Variants in ZNF487 observed in about 807,000 individuals in gnomAD.
The protein encoded by ZNF487 is zinc finger protein 487.
In ZNF487, 4 loss-of-function variants were observed where a neutral mutation model predicts 3.0. The observed-to-expected ratio is 1.35, with a 90% CI of 0.66 to 3.08. The LOEUF is 3.08. Among genes scored for constraint, ZNF487 ranks in the 30% most tolerant of loss-of-function variants. The probability of loss-of-function intolerance (pLI) is 0.01; values close to 1 mark genes in which losing one functional copy is unlikely to be tolerated. For missense variants in ZNF487, 146 were observed against 98.7 expected (o/e 1.48, Z -2.03); for synonymous variants, 55 against 34.6 (o/e 1.59, Z -2.06).
intron 1 of ZNF487, 95 bp from the exon 2 acceptor site, chr10:43,475,626 A>G (rs1261637655): frequency 4.2e-6 from 3 of 715,054 alleles, no homozygotes; most frequent in Non-Finnish European, 7.8e-6. Flanking sequence ...CTCTTCAACT[A>G]TCAACAGTGA....
intron 1 of ZNF487, among the ~76,000 whole-genome samples, chr10:43,441,034 ATTT>A (rs763451709): frequency 0.019 from 823 of 44,342 alleles, no homozygotes; most frequent in South Asian, 0.036. Flanking sequence ...ACCTGGTTAA[ATTT>A]TTTTTTTTTT....
At chr10:43,508,536 C>T in the ZNF487 span, among the ~76,000 whole-genome samples, 6 of 152,254 alleles carry the variant, frequency 3.9e-5, no homozygotes, top group Admixed American at 1.3e-4. Flanking sequence ...GGGCTGGGCA[C>T]GGTGGCTCAT....
intron 1 of ZNF487, among the ~76,000 whole-genome samples, chr10:43,463,585 A>G (rs546068576): frequency 4.6e-5 from 7 of 151,062 alleles, no homozygotes; most frequent in South Asian, 2.1e-4. Flanking sequence ...TGGTCTCACT[A>G]TGTTGCCCAG....
intron 1 of ZNF487, among the ~76,000 whole-genome samples, chr10:43,457,392 C>T (rs1840248245): frequency 1.3e-5 from 2 of 149,848 alleles, no homozygotes; most frequent in African/African-American, 4.9e-5. Context: ...CCCGTCTCTA[C>T]TAAAAATAAA....
rs1263968106 is a variant in ZNF487, at chr10:43,476,141, G to A, written c.69G>A (p.Lys23=). 1 of 717,526 alleles carries A rather than the reference G, an allele frequency of 1.4e-6. No homozygotes were observed. Among genetic ancestry groups the A allele is most frequent in the Non-Finnish European group, 2.6e-6 (1 of 385,110 alleles). The allele number at this position is 717,526 out of a possible 1,614,324, so 44.4% of individuals were successfully genotyped here. ...TTACCAAACCAGAGGTGGTTTGCAAGTTGGAGCATGGACAGGTGCTGTGGA... is the reference window on the plus strand; with the variant it reads ...TTACCAAACCAGAGGTGGTTTGCAAATTGGAGCATGGACAGGTGCTGTGGA... ...YCITKPEVVC[K]LEHGQVLWIL... Residue 23 remains lysine (K), a synonymous_variant, in exon 3 of 4, where the codon AAG becomes AAA. Transcript: ENST00000437590.
intron 1 of ZNF487, among the ~76,000 whole-genome samples, chr10:43,467,956 C>T (rs1589042749): frequency 1.3e-5 from 2 of 152,072 alleles, no homozygotes; most frequent in South Asian, 4.1e-4. Context: ...AGACCATTTA[C>T]GATTCATGGG....
intron 1 of ZNF487, among the ~76,000 whole-genome samples, chr10:43,438,073 C>T (rs1839449852): frequency 6.6e-6 from 1 of 152,036 alleles, no homozygotes; most frequent in South Asian, 2.1e-4. Context: ...TTTCTTTCTC[C>T]TTTCTGGTCA....
rs571604719 is a variant in ZNF487, at chr10:43,441,075, G to C, written c.-94+3813G>C. 7.3e-5 allele frequency among the ~76,000 whole-genome samples: 5 copies of C among 68,198 alleles called. No homozygotes were observed. The East Asian group carries it at 4.2e-3, about 58-fold the overall frequency. The allele number at this position is 68,198 out of a possible 152,430, so 44.7% of individuals were successfully genotyped here. ...TTTTTTTTTTTTTTTTTTTGGTGGA[G>C]ACAGGGTCTCCCTGTATTGCCCAGG... On this transcript the variant is annotated intron_variant, in intron 1 of 3. Coordinates refer to ENST00000437590, the MANE Select transcript of ZNF487 (RefSeq NM_001355444.3).
chr10:43,483,156 A>G lies in ZNF487; in HGVS notation c.*1234A>G. On this transcript the variant is annotated 3_prime_UTR_variant, in exon 4 of 4. Coordinates refer to ENST00000437590, the MANE Select transcript of ZNF487 (RefSeq NM_001355444.3). Reference sequence around the variant, plus strand: ...AACCCAGGTTGGGGTGAGAACACCCAATAAAGATGAGAAATCTTTTGCCTA... The same window carrying G: ...AACCCAGGTTGGGGTGAGAACACCCGATAAAGATGAGAAATCTTTTGCCTA... 2.3e-6 allele frequency: 1 copy of G among 443,214 alleles called. No individual in the cohort carries two copies. The highest frequency in any genetic ancestry group is 1.6e-5 in the South Asian group (1 of 62,200). 27.5% of individuals were successfully genotyped at this position (443,214 alleles called of 1,614,324 possible).
intron 1 of ZNF487, among the ~76,000 whole-genome samples, chr10:43,472,227 T>G (rs1316702294): frequency 6.6e-6 from 1 of 152,172 alleles, no homozygotes; most frequent in Non-Finnish European, 1.5e-5. Context: ...CTGTCCACTC[T>G]GCATCTCTGC....
At chr10:43,519,209 C>T in the ZNF487 span, among the ~76,000 whole-genome samples, 33 of 152,006 alleles carry the variant, frequency 2.2e-4, no homozygotes, top group African/African-American at 7.7e-4. Flanking sequence ...AGCCACCATA[C>T]ATTATCACAC....
intron 1 of ZNF487, among the ~76,000 whole-genome samples, chr10:43,445,006 G>A (rs1839747376): frequency 6.6e-6 from 1 of 152,082 alleles, no homozygotes; most frequent in African/African-American, 2.4e-5. Flanking sequence ...ACACAGCTCA[G>A]TGATGTTCTT....
chr10:43,461,068 G>A (rs909444290), intron 1 of ZNF487, among the ~76,000 whole-genome samples: 1 of 151,046 alleles, frequency 6.6e-6, no homozygotes, highest in African/African-American at 2.4e-5. Flanking sequence ...GTGCAATGGC[G>A]TGATCTCGGC....
At chr10:43,518,358 C>T in the ZNF487 span, among the ~76,000 whole-genome samples, 1 of 152,138 alleles carries the variant, frequency 6.6e-6, no homozygotes, top group African/African-American at 2.4e-5. Flanking sequence ...GGATACCCCG[C>T]CGTGTATCAC....
intron 3 of ZNF487, among the ~76,000 whole-genome samples, chr10:43,479,999 C>CTT (rs1210954782): frequency 5.6e-5 from 4 of 70,938 alleles, no homozygotes; most frequent in African/African-American, 1.4e-4. Context: ...TTCTTTCTTT[C>CTT]TTTCTTTCTT....
At chr10:43,447,042 A>G (rs898335379) in intron 1 of ZNF487, among the ~76,000 whole-genome samples, 2 of 151,804 alleles carry the variant, frequency 1.3e-5, no homozygotes, top group African/African-American at 4.8e-5. Context: ...AAAAAAAACC[A>G]GTCAGGCGTG....
the ZNF487 span, among the ~76,000 whole-genome samples, chr10:43,515,266 G>T: frequency 6.6e-6 from 1 of 152,166 alleles, no homozygotes; most frequent in Admixed American, 6.5e-5. Context: ...GGGGCCTGTT[G>T]GGACTTTAGT....
chr10:43,469,672 T>C lies in ZNF487; in HGVS notation c.-93-6049T>C, dbSNP rs533351013. Among the ~76,000 whole-genome samples the C allele has an allele frequency of 1.6e-4, 24 of 152,146 alleles. No individual in the cohort carries two copies. In the South Asian group the frequency reaches 4.8e-3, roughly 30 times the overall value. ...TTTAGGCCATGAAGTATTTTAAAAT[T>C]AGGATATGTCTGTACACGGTGGCTC... is the stretch of plus-strand genomic sequence containing the variant. On this transcript the variant is annotated intron_variant, in intron 1 of 3. Coordinates refer to ENST00000437590, the MANE Select transcript of ZNF487 (RefSeq NM_001355444.3).
At chr10:43,458,659 C>T (rs147183873) in intron 1 of ZNF487, among the ~76,000 whole-genome samples, 32 of 152,232 alleles carry the variant, frequency 2.1e-4, no homozygotes, top group Middle Eastern at 3.4e-3. Context: ...CATTGTTTTT[C>T]CGGTCTTCCT....
Sources: gnomAD v4.1 joint callset for allele counts (sites outside exome capture counted in the v4.1 genomes callset) on GRCh38, gnomAD v4.1.1 for gene constraint, MANE v1.5 for transcripts, NCBI Gene and HGNC (gene_info 2026-07-23, HGNC 2026-07-21) for gene names.